CADM2: variants seen among roughly 807,000 people sequenced by gnomAD.
The protein encoded by CADM2 is immunoglobulin superfamily member 4D.
CADM2 carries 12 observed loss-of-function variants against 49.8 expected under a neutral mutation model. That is an observed-to-expected ratio of 0.24 (90% CI 0.15 to 0.39). The LOEUF is 0.39. Ranked by LOEUF, CADM2 falls within the 10% of genes least tolerant of loss-of-function variation. The pLI is 1.00. For missense variants in CADM2, 378 were observed against 492.3 expected (o/e 0.77, Z 2.20); for synonymous variants, 214 against 175.4 (o/e 1.22, Z -1.74).
At chr3:85,706,437 C>T (rs2066954847) in intron 1 of CADM2, among the ~76,000 whole-genome samples, 1 of 152,130 alleles carries the variant, frequency 6.6e-6, no homozygotes, top group Non-Finnish European at 1.5e-5. Context: ...TTGCTATATC[C>T]CCGCCCCTTG....
In CADM2 at chr3:85,892,782, C is replaced by T. The variant is rs148787819; in HGVS notation, c.529+6455C>T. Among the ~76,000 whole-genome samples, 120 of 152,152 alleles carry T rather than the reference C, an allele frequency of 7.9e-4. No homozygotes were observed. In the East Asian group the frequency reaches 0.015, roughly 19 times the overall value. On this transcript the variant is annotated intron_variant, in intron 5 of 9. Coordinates refer to ENST00000383699, the MANE Select transcript of CADM2 (RefSeq NM_001167675.2). The stretch of plus-strand genomic sequence containing the variant: ...GTAAAGTTACCCAAAAATGTGGAGG[C>T]GACTCTGAAACTGGGTAACAGGCAG...
chr3:85,109,476 A>G (rs1294677664), intron 1 of CADM2, among the ~76,000 whole-genome samples: 5 of 151,902 alleles, frequency 3.3e-5, no homozygotes, highest in African/African-American at 1.2e-4. Context: ...AAGACTCAAG[A>G]GTTCAGTTTT....
At chr3:85,651,325 A>T (rs904455864) in intron 1 of CADM2, among the ~76,000 whole-genome samples, 1 of 152,290 alleles carries the variant, frequency 6.6e-6, no homozygotes, top group Middle Eastern at 3.4e-3. Flanking sequence ...AGCAATTACA[A>T]GGAAGCAAGC....
At chr3:85,395,644 C>T (rs2034748242) in intron 1 of CADM2, among the ~76,000 whole-genome samples, 1 of 151,992 alleles carries the variant, frequency 6.6e-6, no homozygotes, top group South Asian at 2.1e-4. Context: ...GTTCATTAGA[C>T]CCAGTCTGCT....
rs921473643 is a variant in CADM2 at position 85,312,104 on chromosome 3, T to G, written c.61+352436T>G. 2.0e-5 allele frequency among the ~76,000 whole-genome samples: 3 copies of G among 152,132 alleles called. No homozygotes were observed. In the South Asian group the frequency reaches 6.2e-4, roughly 32 times the overall value. On this transcript the variant is annotated intron_variant, in intron 1 of 9. Transcript: ENST00000383699. ...CATATATTATTTTACTCATCCAAAG[T>G]TTCATTAGAGAGAAGAATCTCTCTG... is the stretch of plus-strand genomic sequence containing the variant.
At chr3:85,620,368 A>T (rs752159827) in intron 1 of CADM2, among the ~76,000 whole-genome samples, 3 of 152,120 alleles carry the variant, frequency 2.0e-5, no homozygotes, top group Non-Finnish European at 4.4e-5. Context: ...ACCAATAAAC[A>T]CACATACACA....
chr3:85,763,116 A>G (rs1165209179), intron 2 of CADM2, among the ~76,000 whole-genome samples: 2 of 152,096 alleles, frequency 1.3e-5, no homozygotes, highest in Non-Finnish European at 2.9e-5. Context: ...AAAATTTCCC[A>G]CTTGAAAACT....
chr3:85,557,481 G>GTT lies in CADM2; in HGVS notation c.62-169035_62-169034dup, dbSNP rs146088466. ...TAAGTCTTTTTATTTCTGAGCAAGA[G>GTT]TTTTTTTGGAAAAACCAAAGATAAT... On this transcript the variant is annotated intron_variant, in intron 1 of 9. Coordinates refer to ENST00000383699, the MANE Select transcript of CADM2 (RefSeq NM_001167675.2). Among the ~76,000 whole-genome samples the GTT allele has an allele frequency of 6.0e-5, 9 of 151,114 alleles. No individual in the cohort carries two copies. In the East Asian group the frequency reaches 9.7e-4, roughly 16 times the overall value.
At position 86,069,548 on chromosome 3, in the gene CADM2, CCAA is replaced by C. The variant is rs1739660379; in HGVS notation, c.*2769_*2771del. 6.6e-6 allele frequency: 1 copy of C among 151,920 alleles called. No individual in the cohort carries two copies. The highest frequency in any genetic ancestry group is 2.4e-5 in the African/African-American group (1 of 41,426). The allele number at this position is 151,920 out of a possible 1,614,324, so 9.4% of individuals were successfully genotyped here. A position where few individuals can be genotyped will look rare whatever the true frequency, so the allele number is the denominator to read the frequency against. ...TGTAAAAATTATGCTCATTTCTATT[CCAA>C]CAAGTCAGAAAATAATGACATAATA... On this transcript the variant is annotated 3_prime_UTR_variant, in exon 10 of 10. Coordinates refer to ENST00000383699, the MANE Select transcript of CADM2 (RefSeq NM_001167675.2).
chr3:85,139,175 T>C (rs2039505422), intron 1 of CADM2, among the ~76,000 whole-genome samples: 1 of 152,192 alleles, frequency 6.6e-6, no homozygotes, highest in Admixed American at 6.5e-5. Context: ...TCTAGTAGAT[T>C]AGGAACATCC....
chr3:85,676,386 G>T (rs779558384), intron 1 of CADM2, among the ~76,000 whole-genome samples: 1 of 152,048 alleles, frequency 6.6e-6, no homozygotes, highest in African/African-American at 2.4e-5. Context: ...TTTTTGATAA[G>T]CTCTCCCTAG....
chr3:85,410,228 A>G lies in CADM2; in HGVS notation c.62-316294A>G, dbSNP rs1283828542. ...TTCATATGCATATCGCCACTAAGGC[A>G]TATCATATCCCAAGACTTGTGAATT... On this transcript the variant is annotated intron_variant, in intron 1 of 9. Transcript: ENST00000383699. 2.0e-5 allele frequency among the ~76,000 whole-genome samples: 3 copies of G among 152,216 alleles called. No individual in the cohort carries two copies. In the East Asian group the frequency reaches 5.8e-4, roughly 29 times the overall value.
intron 1 of CADM2, among the ~76,000 whole-genome samples, chr3:85,597,115 G>A (rs2063266252): frequency 6.6e-6 from 1 of 152,006 alleles, no homozygotes; most frequent in Non-Finnish European, 1.5e-5. Context: ...GATTTCAGTA[G>A]TATATGTGAT....
chr3:86,041,851 G>A (rs1015875541), intron 8 of CADM2, among the ~76,000 whole-genome samples: 1 of 152,110 alleles, frequency 6.6e-6, no homozygotes, highest in South Asian at 2.1e-4. Flanking sequence ...CTCAGCAAAT[G>A]TAAAAGAACA....
intron 1 of CADM2, among the ~76,000 whole-genome samples, chr3:85,718,882 T>TGTATTATTA (rs1231599015): frequency 2.1e-5 from 3 of 141,344 alleles, no homozygotes; most frequent in African/African-American, 7.9e-5. Flanking sequence ...TTAATGGTAT[T>TGTATTATTA]TTATTATTAT....
intron 6 of CADM2, among the ~76,000 whole-genome samples, chr3:85,913,771 C>A (rs1303258061): frequency 1.3e-5 from 2 of 152,000 alleles, no homozygotes; most frequent in Admixed American, 6.6e-5. Context: ...TACTAAGTAC[C>A]TGTTGATAAG....
chr3:85,474,836 G>A (rs887542359), intron 1 of CADM2, among the ~76,000 whole-genome samples: 2 of 151,788 alleles, frequency 1.3e-5, no homozygotes, highest in African/African-American at 4.8e-5. Context: ...AAATGACAGA[G>A]CTTATATGTG....
At chr3:85,213,805 T>C (rs2041860514) in intron 1 of CADM2, among the ~76,000 whole-genome samples, 1 of 152,058 alleles carries the variant, frequency 6.6e-6, no homozygotes, top group Non-Finnish European at 1.5e-5. Context: ...AAATGGCCTG[T>C]CTTCATGTTC....
chr3:84,984,046 TATACACACACAC>T (rs1203630042), intron 1 of CADM2, among the ~76,000 whole-genome samples: 2 of 115,638 alleles, frequency 1.7e-5, no homozygotes, highest in Admixed American at 2.0e-4. Flanking sequence ...TATATATATA[TATACACACACAC>T]ACACACACAC....
Sources: allele counts gnomAD v4.1 joint callset (sites outside exome capture counted in the v4.1 genomes callset), GRCh38; gene constraint gnomAD v4.1.1; transcripts MANE v1.5; gene names NCBI Gene and HGNC (gene_info 2026-07-23, HGNC 2026-07-21).